NOTCH1: variants seen among roughly 807,000 people sequenced by gnomAD.
NOTCH1 encodes neurogenic locus notch homolog protein 1.
Under a neutral mutation model 254.8 loss-of-function variants are expected in NOTCH1, and 37 were observed. The ratio of observed to expected loss-of-function variants is 0.15; its 90% confidence interval spans 0.11 to 0.19. The LOEUF (loss-of-function observed/expected upper bound fraction) is 0.19, where lower values mean the gene tolerates loss of function less well. Among genes scored for constraint, NOTCH1 ranks in the 10% least tolerant of loss-of-function variants. NOTCH1 has a pLI of 1.00. For missense variants in NOTCH1, 2,972 were observed against 3,708.6 expected (o/e 0.80, Z 5.16); for synonymous variants, 1,731 against 1,618.1 (o/e 1.07, Z -1.68).
At chr9:136,514,738 G>C (rs780469283) in intron 12 of NOTCH1, 36 bp from the exon 13 acceptor site, 1 of 1,597,744 alleles carries the variant, frequency 6.3e-7, no homozygotes, top group Non-Finnish European at 8.5e-7. Context: ...GAGGCCCAGC[G>C]CCCAGGGGGT....
Position 136,500,895 on chromosome 9 carries a change from T to A in NOTCH1, c.5639-48A>T, listed in dbSNP as rs760431470. The stretch of plus-strand genomic sequence containing the variant: ...TCAGTCTGGAGGGCCGGTCCCCAGC[T>A]GCAGCCCAGGGGGAGGGGGGCAGCA... On this transcript the variant is annotated intron_variant, in intron 30 of 33. Transcript: ENST00000651671. 6 of 1,532,560 alleles carry A rather than the reference T, an allele frequency of 3.9e-6. 1 individual carries two copies. Among genetic ancestry groups the A allele is most frequent in the South Asian group, 3.6e-5 (3 of 84,468 alleles). The allele number at this position is 1,532,560 out of a possible 1,614,324, so 94.9% of individuals were successfully genotyped here. A position where few individuals can be genotyped will look rare whatever the true frequency, so the allele number is the denominator to read the frequency against.
chr9:136,501,677 G>T, intron 30 of NOTCH1, 71 bp downstream of exon 30: 1 of 1,566,060 alleles, frequency 6.4e-7, no homozygotes, highest in Non-Finnish European at 8.7e-7. Flanking sequence ...CTGTACCCCA[G>T]CCTCGGGGCT....
At position 136,496,705 on chromosome 9, in the gene NOTCH1, C is replaced by A; in HGVS notation, c.7034G>T (p.Gly2345Val). Residue 2345 changes from glycine to valine, a missense_variant, in exon 34 of 34, where the codon GGC (glycine) becomes GTC (valine). Around this residue, in one of 8 missense-constraint regions of NOTCH1, gnomAD observed 529 missense variants for 529.2 expected, o/e 1.00. Coordinates refer to ENST00000651671, the MANE Select transcript of NOTCH1 (RefSeq NM_017617.5). Reference sequence around the variant, plus strand: ...GCTACTGTGCAGCGGGCCTACCATGCCATGCTGCAGGGAGGGGGCCTGTGT... The same window carrying A: ...GCTACTGTGCAGCGGGCCTACCATGACATGCTGCAGGGAGGGGGCCTGTGT... ...LSTQAPSLQH[G>V]MVGPLHSSLA... The A allele has an allele frequency of 6.2e-7, 1 of 1,612,838 alleles. No individual in the cohort carries two copies. Among genetic ancestry groups the A allele is most frequent in the Non-Finnish European group, 8.5e-7 (1 of 1,179,970 alleles).
chr9:136,532,803 C>T (rs1438311484), intron 2 of NOTCH1, among the ~76,000 whole-genome samples: 3 of 152,306 alleles, frequency 2.0e-5, no homozygotes, highest in South Asian at 2.1e-4. Flanking sequence ...GAAAGAAGTC[C>T]GTGGCCTGTG....
Position 136,503,176 on chromosome 9 carries a change from A to G in NOTCH1, c.5167+6T>C, listed in dbSNP as rs2133333070. 6.2e-7 allele frequency: 1 copy of G among 1,612,682 alleles called. No homozygotes were observed. The highest frequency in any genetic ancestry group is 8.5e-7 in the Non-Finnish European group (1 of 1,179,980). The stretch of plus-strand genomic sequence containing the variant: ...GAGCCTGTTCCCGGGATGGGGCCAC[A>G]CTTACTCTGCACGGCCTCGATCTTG... On this transcript the variant is annotated splice_donor_region_variant and intron_variant, in intron 27 of 33. Transcript: ENST00000651671.
intron 27 of NOTCH1, chr9:136,502,736 G>A (rs932465749): frequency 3.5e-6 from 2 of 573,024 alleles, no homozygotes; most frequent in African/African-American, 1.9e-5. Flanking sequence ...CTTTAAGGAA[G>A]GAGGATTAGT....
At position 136,509,873 on chromosome 9, in the gene NOTCH1, C is replaced by T. The variant is rs2133351017; in HGVS notation, c.2829G>A (p.Glu943=). The change falls in exon 18 of 34, where the codon GAG becomes GAA. Residue 943 remains glutamate, a synonymous_variant. Coordinates refer to ENST00000651671, the MANE Select transcript of NOTCH1 (RefSeq NM_017617.5). The stretch of plus-strand genomic sequence containing the variant: ...CACTGGCACACTCGTTGATGTCCTC[C>T]TCACAGAAAGTGCCCCGGAAGCCGG... The part of the protein sequence containing the change: ...CLPGFRGTFC[E]EDINECASDP... 1.2e-6 allele frequency: 2 copies of T among 1,613,196 alleles called. No homozygotes were observed. Among genetic ancestry groups the T allele is most frequent in the Non-Finnish European group, 8.5e-7 (1 of 1,180,030 alleles).
chr9:136,531,486 C>A (rs572521955), intron 2 of NOTCH1, among the ~76,000 whole-genome samples: 2 of 152,228 alleles, frequency 1.3e-5, no homozygotes, highest in African/African-American at 2.4e-5. Context: ...TTTTGCCTGA[C>A]CACCTGATCT....
At chr9:136,517,183 G>C in intron 9 of NOTCH1, 89 bp downstream of exon 9, 1 of 772,290 alleles carries the variant, frequency 1.3e-6, no homozygotes, top group Non-Finnish European at 2.1e-6. Context: ...CAGATGGCCC[G>C]GGGGCAGGGG....
At chr9:136,538,480 A>C (rs1008984429) in intron 2 of NOTCH1, among the ~76,000 whole-genome samples, 6 of 152,240 alleles carry the variant, frequency 3.9e-5, no homozygotes, top group African/African-American at 1.4e-4. Context: ...GCCCTGCTTC[A>C]CAGCCCCTCG....
intron 4 of NOTCH1, 35 bp downstream of exon 4, chr9:136,522,815 G>A (rs985669972): frequency 9.7e-6 from 14 of 1,445,810 alleles, no homozygotes; most frequent in African/African-American, 2.8e-5. Context: ...CAGCCGGGGA[G>A]GGGCTCGTGC....
chr9:136,524,042 G>A (rs1843420261), intron 2 of NOTCH1, 63 bp from the exon 3 acceptor site: 26 of 1,529,722 alleles, frequency 1.7e-5, no homozygotes, highest in Non-Finnish European at 1.9e-5. Flanking sequence ...CCGCCACTCA[G>A]CACCGGGAAC....
intron 13 of NOTCH1, 42 bp downstream of exon 13, chr9:136,514,468 G>T: frequency 1.3e-6 from 2 of 1,540,280 alleles, no homozygotes; most frequent in Non-Finnish European, 1.7e-6. Flanking sequence ...AGCTCCCAGG[G>T]TTTAGGACTG....
intron 2 of NOTCH1, among the ~76,000 whole-genome samples, chr9:136,530,988 TG>T (rs1315803357): frequency 6.6e-6 from 1 of 152,202 alleles, no homozygotes; most frequent in Non-Finnish European, 1.5e-5. Context: ...ATCCTGTCGC[TG>T]GGGGTGGCAG....
chr9:136,512,973 CCCACATAGGCCCCG>C, intron 15 of NOTCH1, 34 bp downstream of exon 15: 1 of 602,710 alleles, frequency 1.7e-6, no homozygotes, highest in South Asian at 1.6e-5. Context: ...TCCCGCCCCT[CCCACATAGGCCCCG>C]CCCCCTCCAG....
At position 136,505,710 on chromosome 9, in the gene NOTCH1, G is replaced by A. The variant is rs1285968283; in HGVS notation, c.4186C>T (p.Pro1396Ser). 1.2e-6 allele frequency: 2 copies of A among 1,602,598 alleles called. No homozygotes were observed. Among genetic ancestry groups the A allele is most frequent in the East Asian group, 2.2e-5 (1 of 44,618 alleles). ...TCACAGGTCCCCTGGTTGTAGCAGG[G>A]GTTGCCGCCCAGGCAGGGGCTGCTG... ...PASSPCLGGN[P>S]CYNQGTCEPT... The change falls in exon 25 of 34, where the codon CCC becomes TCC. Residue 1396 changes from proline (P) to serine (S), a missense_variant. By Grantham distance (74) the Pro-to-Ser change is moderately conservative (BLOSUM62 -1). Around this residue, in one of 8 missense-constraint regions of NOTCH1, gnomAD observed 1,343 missense variants for 1,557.0 expected, o/e 0.86. Transcript: ENST00000651671.
rs919009841 is a variant in NOTCH1 at position 136,495,138 on chromosome 9, G to A, written c.*933C>T. 19 of 399,066 alleles carry A rather than the reference G, an allele frequency of 4.8e-5. No homozygotes were observed. The highest frequency in any genetic ancestry group is 1.8e-4 in the East Asian group (5 of 28,208). 24.7% of individuals were successfully genotyped at this position (399,066 alleles called of 1,614,324 possible). On this transcript the variant is annotated 3_prime_UTR_variant, in exon 34 of 34. Transcript: ENST00000651671. The stretch of plus-strand genomic sequence containing the variant: ...CTGTGCAGGCTGAGGTGCTGGGGCC[G>A]CCACCGGGGTCAGCCCAGGCAGTGT...
Position 136,496,092 on chromosome 9 carries a change from G to C in NOTCH1, c.7647C>G (p.Arg2549=), listed in dbSNP as rs2133313697. ...PPTSMQSQIA[R]IPEAFK ...CCGTTTACTTGAAGGCCTCCGGAAT[G>C]CGGGCGATCTGGGACTGCATGCTGG... is the stretch of plus-strand genomic sequence containing the variant. Residue 2549 remains arginine (R), a synonymous_variant, in exon 34 of 34, where the codon CGC becomes CGG. Transcript: ENST00000651671. 1 of 1,606,640 alleles carries C rather than the reference G, an allele frequency of 6.2e-7. No individual in the cohort carries two copies. The highest frequency in any genetic ancestry group is 1.7e-5 in the Admixed American group (1 of 59,624).
rs755058802 is a variant in NOTCH1 at position 136,509,958 on chromosome 9, G to C, written c.2744C>G (p.Pro915Arg). The change falls in exon 18 of 34, where the codon CCG becomes CGG. Residue 915 changes from proline (P) to arginine (R), a missense_variant. Around this residue, in one of 8 missense-constraint regions of NOTCH1, gnomAD observed 1,343 missense variants for 1,557.0 expected, o/e 0.86. Transcript: ENST00000651671. ...TGTGCAGGAGCCCCCGTTGTGACAC[G>C]GGTCTGGGAGAGGACGGAAGGGTGA... ...ETDIDDCRPN[P>R]CHNGGSCTDG... 9.3e-6 allele frequency: 15 copies of C among 1,612,826 alleles called. No individual in the cohort carries two copies. The highest frequency in any genetic ancestry group is 1.3e-5 in the Non-Finnish European group (15 of 1,179,926).
Sources: gnomAD v4.1 joint callset for allele counts (sites outside exome capture counted in the v4.1 genomes callset) on GRCh38, gnomAD v4.1.1 for gene constraint, gnomAD v4.1.1 regional missense constraint, MANE v1.5 for transcripts, NCBI Gene and HGNC (gene_info 2026-07-23, HGNC 2026-07-21) for gene names.